TAF15: variants seen among roughly 807,000 people sequenced by gnomAD.
TAF15 encodes the protein TATA-binding protein-associated factor 2N.
Under a neutral mutation model 102.5 loss-of-function variants are expected in TAF15, and 37 were observed. The observed-to-expected ratio is 0.36, with a 90% confidence interval of 0.28 to 0.47. The LOEUF is 0.47. TAF15 is among the 20% of genes least tolerant of loss of function. TAF15 has a pLI of 0.99. For missense variants in TAF15, 652 were observed against 760.7 expected (o/e 0.86, Z 1.68); for synonymous variants, 273 against 259.2 (o/e 1.05, Z -0.51).
chr17:35,840,812 C>T (rs968035011), intron 11 of TAF15, among the ~76,000 whole-genome samples: 1 of 151,740 alleles, frequency 6.6e-6, no homozygotes, highest in Non-Finnish European at 1.5e-5. Context: ...TGCAGTGAGC[C>T]GAGATCACGC....
intron 1 of TAF15, among the ~76,000 whole-genome samples, chr17:35,812,091 A>G (rs761386308): frequency 1.3e-5 from 2 of 152,144 alleles, no homozygotes; most frequent in African/African-American, 4.8e-5. Context: ...ACGCCAGGTA[A>G]TGGGAACTGA....
At chr17:35,841,073 A>C (rs1175330658) in intron 11 of TAF15, among the ~76,000 whole-genome samples, 3 of 152,238 alleles carry the variant, frequency 2.0e-5, no homozygotes, top group Admixed American at 2.0e-4. Flanking sequence ...ACTTTTGCCC[A>C]TAGGGCATAT....
chr17:35,843,173 G>C (rs1442864443), intron 12 of TAF15, among the ~76,000 whole-genome samples: 1 of 151,416 alleles, frequency 6.6e-6, no homozygotes, highest in African/African-American at 2.4e-5. Flanking sequence ...GCCCAGGCTG[G>C]AGTACAATGG....
At chr17:35,821,518 G>A (rs887284599) in intron 5 of TAF15, among the ~76,000 whole-genome samples, 4 of 152,142 alleles carry the variant, frequency 2.6e-5, no homozygotes, top group Non-Finnish European at 5.9e-5. Flanking sequence ...GGAACATACT[G>A]ATCTTTTATT....
intron 11 of TAF15, among the ~76,000 whole-genome samples, chr17:35,840,091 A>G (rs1469527281): frequency 6.6e-6 from 1 of 152,104 alleles, no homozygotes; most frequent in Non-Finnish European, 1.5e-5. Context: ...TTCCAGGATC[A>G]TAGAGTAAGT....
intron 9 of TAF15, among the ~76,000 whole-genome samples, chr17:35,834,875 A>G (rs1222433974): frequency 6.7e-6 from 1 of 150,286 alleles, no homozygotes; most frequent in Admixed American, 6.8e-5. Flanking sequence ...CCTCCCAAGT[A>G]GGTGGGACTA....
chr17:35,842,842 C>T (rs1158094694), intron 12 of TAF15, among the ~76,000 whole-genome samples: 2 of 152,030 alleles, frequency 1.3e-5, no homozygotes, highest in Non-Finnish European at 2.9e-5. Context: ...AAGTGATTCT[C>T]CTGCCTCAGC....
chr17:35,838,010 A>G (rs550954610), intron 10 of TAF15, among the ~76,000 whole-genome samples: 2 of 146,650 alleles, frequency 1.4e-5, no homozygotes, highest in East Asian at 4.2e-4. Flanking sequence ...CCATATAGCA[A>G]GACCCCATCT....
At position 35,824,398 on chromosome 17, in the gene TAF15, A is replaced by G. The variant is rs953095658; in HGVS notation, c.605+200A>G. On this transcript the variant is annotated intron_variant, in intron 7 of 15. Transcript: ENST00000605844. ...CACATAAATGACCTTAGAATTGGCTATGTTAGTAGTTAGTTTATGTGGTAC... is the reference window on the plus strand; with the variant it reads ...CACATAAATGACCTTAGAATTGGCTGTGTTAGTAGTTAGTTTATGTGGTAC... The G allele has an allele frequency of 1.9e-5, 13 of 670,864 alleles. No individual in the cohort carries two copies. In the East Asian group the frequency reaches 2.9e-4, roughly 15 times the overall value. 41.6% of individuals were successfully genotyped at this position (670,864 alleles called of 1,614,324 possible). A position where few individuals can be genotyped will look rare whatever the true frequency, so the allele number is the denominator to read the frequency against.
At chr17:35,814,857 A>G (rs572128775) in intron 1 of TAF15, among the ~76,000 whole-genome samples, 8 of 151,294 alleles carry the variant, frequency 5.3e-5, no homozygotes, top group Non-Finnish European at 1.2e-4. Context: ...TGTCTCAAAA[A>G]AAAAAAGTGT....
chr17:35,825,747 G>T (rs1366797428), intron 7 of TAF15, among the ~76,000 whole-genome samples: 1 of 152,088 alleles, frequency 6.6e-6, no homozygotes, highest in Non-Finnish European at 1.5e-5. Flanking sequence ...AGGAGATGGA[G>T]ACCATCCTGG....
At chr17:35,825,835 T>C (rs2087318552) in intron 7 of TAF15, among the ~76,000 whole-genome samples, 1 of 151,868 alleles carries the variant, frequency 6.6e-6, no homozygotes, top group African/African-American at 2.4e-5. Context: ...GTAGTCGTAG[T>C]CCGAACTACT....
chr17:35,836,972 CTG>C (rs1007250117), intron 10 of TAF15, among the ~76,000 whole-genome samples: 5 of 152,070 alleles, frequency 3.3e-5, no homozygotes, highest in African/African-American at 9.7e-5. Context: ...TGGGGTTTCA[CTG>C]TGTTGGCCAG....
At chr17:35,830,851 C>T (rs780070127) in intron 7 of TAF15, among the ~76,000 whole-genome samples, 41 of 152,154 alleles carry the variant, frequency 2.7e-4, no homozygotes, top group Admixed American at 9.8e-4. Context: ...TTCTCAGAAC[C>T]TTCCAGGCTA....
chr17:35,821,659 T>C (rs1417792400), intron 5 of TAF15, among the ~76,000 whole-genome samples: 1 of 152,180 alleles, frequency 6.6e-6, no homozygotes, highest in Non-Finnish European at 1.5e-5. Context: ...ATGTTGCCTT[T>C]TAACATTCCC....
chr17:35,819,096 C>T (rs940231334), intron 2 of TAF15, among the ~76,000 whole-genome samples: 1 of 152,094 alleles, frequency 6.6e-6, no homozygotes, highest in Non-Finnish European at 1.5e-5. Flanking sequence ...CAGAATAGCA[C>T]CTCAGATATC....
In TAF15 at chr17:35,829,631, C is replaced by CAA. The variant is rs746776421; in HGVS notation, c.606-4252_606-4251dup. On this transcript the variant is annotated intron_variant, in intron 7 of 15. Coordinates refer to ENST00000605844, the MANE Select transcript of TAF15 (RefSeq NM_139215.3). ...TGGGAGACAGAGCGAGACTCCATCT[C>CAA]AAAAAAAAAAAAAAAAAAAAAAAAA... 1.0e-2 allele frequency among the ~76,000 whole-genome samples: 320 copies of CAA among 32,160 alleles called. 2 individuals are homozygous for CAA. The highest frequency in any genetic ancestry group is 0.012 in the Non-Finnish European group (201 of 16,394). The allele number at this position is 32,160 out of a possible 152,430, so 21.1% of individuals were successfully genotyped here. A position where few individuals can be genotyped will look rare whatever the true frequency, so the allele number is the denominator to read the frequency against.
intron 10 of TAF15, 24 bp from the exon 11 acceptor site, chr17:35,838,400 C>G (rs757337490): frequency 6.2e-6 from 10 of 1,613,626 alleles, no homozygotes; most frequent in African/African-American, 1.3e-5. Flanking sequence ...AATGCTAACA[C>G]CAAGTGTTTC....
intron 1 of TAF15, chr17:35,810,372 A>C (rs147766534): frequency 6.5e-6 from 1 of 152,696 alleles, no homozygotes; most frequent in Non-Finnish European, 1.5e-5. Flanking sequence ...AACTTGGCAG[A>C]GGCCACCCAT....
Sources: allele counts gnomAD v4.1 joint callset (sites outside exome capture counted in the v4.1 genomes callset), GRCh38; gene constraint gnomAD v4.1.1; transcripts MANE v1.5; gene names NCBI Gene and HGNC (gene_info 2026-07-23, HGNC 2026-07-21).